MBNL2: variants seen among roughly 807,000 people sequenced by gnomAD.
The protein encoded by MBNL2 is muscleblind-like protein 2.
In MBNL2, 17 loss-of-function variants were observed where a neutral mutation model predicts 41.9. That is an observed-to-expected ratio of 0.41 (90% confidence interval 0.28 to 0.61). MBNL2 has a LOEUF of 0.61. Ranked by LOEUF, MBNL2 falls within the 20% of genes least tolerant of loss-of-function variation. MBNL2 has a pLI of 0.35. For missense variants in MBNL2, 336 were observed against 505.6 expected, an observed-to-expected ratio of 0.66 and a Z score of 3.22; for synonymous variants, 195 against 182.9, an observed-to-expected ratio of 1.07 and a Z score of -0.53.
At chr13:97,164,037 C>T in the MBNL2 span, among the ~76,000 whole-genome samples, 1 of 152,140 alleles carries the variant, frequency 6.6e-6, no homozygotes, top group Non-Finnish European at 1.5e-5. Flanking sequence ...AACAGGGTCT[C>T]GCTCTGTCAC....
the MBNL2 span, among the ~76,000 whole-genome samples, chr13:97,180,102 G>A: frequency 6.6e-6 from 1 of 152,160 alleles, no homozygotes; most frequent in African/African-American, 2.4e-5. Context: ...GAATTAAGGT[G>A]GTGAAGATGG....
intron 1 of MBNL2, among the ~76,000 whole-genome samples, chr13:97,270,618 C>T (rs1194580593): frequency 2.0e-5 from 3 of 152,192 alleles, no homozygotes; most frequent in African/African-American, 2.4e-5. Context: ...TTCTCAGTTT[C>T]ACTAGCCACA....
rs2063823666 is a variant in MBNL2 at position 97,366,129 on chromosome 13, T to C, written c.1048+958T>C. Among the ~76,000 whole-genome samples, 1 of 152,192 alleles carries C rather than the reference T, an allele frequency of 6.6e-6. No individual in the cohort carries two copies. Among genetic ancestry groups the C allele is most frequent in the Admixed American group, 6.5e-5 (1 of 15,282 alleles). ...CTTTCACAATTTTAGAAACAACCAT[T>C]ATTGCATACACTGTATACACTGAAT... is the stretch of plus-strand genomic sequence containing the variant. On this transcript the variant is annotated intron_variant, in intron 8 of 8. Coordinates refer to ENST00000679496, the MANE Select transcript of MBNL2 (RefSeq NM_001382683.1). The surrounding 1 kb of genome is among the most constrained non-coding windows in gnomAD (Gnocchi z 4.7).
chr13:97,184,445 TG>T, the MBNL2 span, among the ~76,000 whole-genome samples: 2 of 152,208 alleles, frequency 1.3e-5, no homozygotes, highest in Non-Finnish European at 2.9e-5. Flanking sequence ...GTCGTCCTCA[TG>T]GTCTCCAAAA....
chr13:97,374,686 C>T (rs1211096899), intron 8 of MBNL2, among the ~76,000 whole-genome samples: 2 of 152,108 alleles, frequency 1.3e-5, no homozygotes, highest in Admixed American at 6.5e-5. Context: ...CCCCTGTGCC[C>T]GACCTCCTTT....
chr13:97,364,536 C>A (rs2063695252), intron 7 of MBNL2, among the ~76,000 whole-genome samples: 1 of 152,200 alleles, frequency 6.6e-6, no homozygotes, highest in Admixed American at 6.5e-5. Context: ...CCATCCTGCC[C>A]TGCAAGCTTC....
chr13:97,256,732 A>T (rs1219094933), intron 1 of MBNL2, among the ~76,000 whole-genome samples: 1 of 152,222 alleles, frequency 6.6e-6, no homozygotes, highest in African/African-American at 2.4e-5. Context: ...AGAGAGGAGG[A>T]AACTGAAGTT....
intron 1 of MBNL2, among the ~76,000 whole-genome samples, chr13:97,261,637 T>G (rs1249093946): frequency 6.6e-6 from 1 of 152,208 alleles, no homozygotes; most frequent in Non-Finnish European, 1.5e-5. Flanking sequence ...CCTTTCTCTT[T>G]CCCTGCCATC....
the MBNL2 span, among the ~76,000 whole-genome samples, chr13:97,145,207 A>G: frequency 6.6e-6 from 1 of 152,216 alleles, no homozygotes; most frequent in East Asian, 1.9e-4. Flanking sequence ...AGGACTGTAA[A>G]ATTAACTTTG....
upstream of MBNL2, among the ~76,000 whole-genome samples, chr13:97,218,440 C>CAAAAAAAAAAAAAAAAA (rs372883729): frequency 2.5e-5 from 3 of 117,962 alleles, no homozygotes; most frequent in African/African-American, 1.0e-4. Context: ...CAAAACAAAA[C>CAAAAAAAAAAAAAAAAA]AAAAAAAAAA....
intron 8 of MBNL2, among the ~76,000 whole-genome samples, chr13:97,375,814 A>T (rs555113886): frequency 1.3e-5 from 2 of 152,314 alleles, no homozygotes; most frequent in Non-Finnish European, 2.9e-5. Context: ...ATATCTCATG[A>T]TAGAAGAAGA....
chr13:97,257,613 A>T (rs1386915487), intron 1 of MBNL2, among the ~76,000 whole-genome samples: 1 of 152,204 alleles, frequency 6.6e-6, no homozygotes, highest in Non-Finnish European at 1.5e-5. Context: ...TCGATGTCTC[A>T]AGATTTCTTG....
rs920465103 is a variant in MBNL2, at chr13:97,303,355, G to A, written c.174+26946G>A. ...GAGGGTCCTCAGGGCTGGGCAATGG[G>A]TGGGGGTGCCCATAAGCAGAAGCGA... is the stretch of plus-strand genomic sequence containing the variant. On this transcript the variant is annotated intron_variant, in intron 2 of 8. Coordinates refer to ENST00000679496, the MANE Select transcript of MBNL2 (RefSeq NM_001382683.1). Among the ~76,000 whole-genome samples the A allele has an allele frequency of 1.4e-4, 21 of 152,318 alleles. No individual in the cohort carries two copies. The East Asian group carries it at 3.7e-3, about 27-fold the overall frequency.
chr13:97,293,904 G>A (rs1330524299), intron 2 of MBNL2, among the ~76,000 whole-genome samples: 5 of 151,778 alleles, frequency 3.3e-5, no homozygotes, highest in South Asian at 2.1e-4. Flanking sequence ...CCCATCACCC[G>A]AGCAGTATAC....
At chr13:97,370,676 A>AAAAG (rs554369119) in intron 8 of MBNL2, among the ~76,000 whole-genome samples, 45 of 151,668 alleles carry the variant, frequency 3.0e-4, no homozygotes, top group Admixed American at 5.9e-4. Context: ...TCAAAAAAAA[A>AAAAG]AAAGAAAGAA....
intron 2 of MBNL2, among the ~76,000 whole-genome samples, chr13:97,286,369 C>A (rs914577668): frequency 6.6e-6 from 1 of 152,132 alleles, no homozygotes; most frequent in Non-Finnish European, 1.5e-5. Flanking sequence ...CATTATAAGT[C>A]CTGTTCTCTC....
the MBNL2 span, among the ~76,000 whole-genome samples, chr13:97,158,260 A>G: frequency 6.6e-6 from 1 of 150,470 alleles, no homozygotes; most frequent in Non-Finnish European, 1.5e-5. Context: ...ATCATTTTTT[A>G]TTGTGTCTAT....
intron 5 of MBNL2, among the ~76,000 whole-genome samples, chr13:97,352,975 T>C (rs1027080115): frequency 6.6e-6 from 1 of 152,130 alleles, no homozygotes; most frequent in Non-Finnish European, 1.5e-5. Flanking sequence ...AGAGGGAAAA[T>C]GGCCATTTAC....
chr13:97,275,350 A>G (rs1999088), intron 1 of MBNL2, among the ~76,000 whole-genome samples: 3,327 of 152,354 alleles, frequency 0.022, 75 homozygotes, highest in South Asian at 0.048. Flanking sequence ...TTGGCGATTA[A>G]GCACATTAGA....
Sources: allele counts gnomAD v4.1 joint callset (sites outside exome capture counted in the v4.1 genomes callset), GRCh38; gene constraint gnomAD v4.1.1; non-coding constraint Gnocchi (gnomAD v3.1); transcripts MANE v1.5; gene names NCBI Gene and HGNC (gene_info 2026-07-23, HGNC 2026-07-21).